The following NARF variants were observed in gnomAD, a reference collection of about 807,000 sequenced individuals.
The protein encoded by NARF is iron-only hydrogenase-like protein 2.
A neutral mutation model predicts 48.0 loss-of-function variants in NARF; 41 were observed. That is an observed-to-expected ratio of 0.85 (90% CI 0.66 to 1.11). The LOEUF is 1.11. Ranked by LOEUF, NARF falls within the 50% of genes least tolerant of loss-of-function variation. NARF has a pLI of 0.00. For synonymous variants in NARF, 215 were observed against 225.5 expected, an observed-to-expected ratio of 0.95 and a Z score of 0.42; for missense variants, 613 against 590.2, an observed-to-expected ratio of 1.04 and a Z score of -0.40.
intron 10 of NARF, 71 bp from the exon 11 acceptor site, chr17:82,487,845 T>C: frequency 1.9e-6 from 3 of 1,562,148 alleles, no homozygotes; most frequent in Non-Finnish European, 2.6e-6. Flanking sequence ...TCTGTAGTTC[T>C]AGCTGCTCAG....
At chr17:82,480,259 G>T (rs2043929074) in intron 6 of NARF, 1 of 393,890 alleles carries the variant, frequency 2.5e-6, no homozygotes, top group Admixed American at 4.5e-5. Context: ...GAAGATTCAG[G>T]AAAGTCTGTG....
intron 2 of NARF, chr17:82,461,022 C>G (rs2043423986): frequency 6.6e-6 from 1 of 152,146 alleles, no homozygotes; most frequent in African/African-American, 2.4e-5. Flanking sequence ...TCAAGTGATT[C>G]TCCTGCCTCA....
chr17:82,461,565 C>G (rs1006437277), intron 2 of NARF, among the ~76,000 whole-genome samples: 1 of 152,162 alleles, frequency 6.6e-6, no homozygotes, highest in African/African-American at 2.4e-5. Flanking sequence ...GAGCCGAGAT[C>G]ACGCCACTGC....
chr17:82,468,885 T>C lies in NARF; in HGVS notation c.374T>C (p.Leu125Pro). 1 of 1,613,550 alleles carries C rather than the reference T, an allele frequency of 6.2e-7. No homozygotes were observed. Among genetic ancestry groups the C allele is most frequent in the South Asian group, 1.1e-5 (1 of 90,814 alleles). Residue 125 changes from leucine (L) to proline (P), a missense_variant, in exon 4 of 11, where the codon CTC becomes CCC. Transcript: ENST00000309794. ...GCATCCAGAAGACTCTGTGGTTTCCTCAAAAGTCTTGGTGAGTCATCTTTT... is the reference window on the plus strand; with the variant it reads ...GCATCCAGAAGACTCTGTGGTTTCCCCAAAAGTCTTGGTGAGTCATCTTTT... ...TDASRRLCGF[L>P]KSLGVHYVFD...
rs2043509355 is a variant in NARF, at chr17:82,464,322, A to G, written c.144A>G (p.Ile48Met). 1 of 1,613,686 alleles carries G rather than the reference A, an allele frequency of 6.2e-7. No homozygotes were observed. Among genetic ancestry groups the G allele is most frequent in the Admixed American group, 1.7e-5 (1 of 59,880 alleles). ...GEFHKLADAK[I>M]FLSDCLACDS... ...TCCACAAGTTGGCTGATGCCAAGAT[A>G]TTTTTGAGCGACTGCCTGGCATGTG... Residue 48 changes from isoleucine (I) to methionine (M), a missense_variant, in exon 3 of 11, where the codon ATA becomes ATG. Transcript: ENST00000309794.
At chr17:82,482,224 A>G (rs73999950) in intron 7 of NARF, 4,412 of 429,286 alleles carry the variant, frequency 0.01, 186 homozygotes, top group African/African-American at 0.082. Context: ...TAAGGGCGCC[A>G]ATGTCCCTCA....
intron 5 of NARF, among the ~76,000 whole-genome samples, chr17:82,475,102 G>A (rs1567938524): frequency 6.6e-6 from 1 of 152,136 alleles, no homozygotes; most frequent in Non-Finnish European, 1.5e-5. Flanking sequence ...GGGAGTACCT[G>A]GTGTTTGTGT....
chr17:82,461,552 G>A (rs1196844566), intron 2 of NARF, among the ~76,000 whole-genome samples: 2 of 152,124 alleles, frequency 1.3e-5, no homozygotes, highest in Admixed American at 6.5e-5. Flanking sequence ...CGGAGGTTGA[G>A]GTGAGCCGAG....
intron 1 of NARF, chr17:82,459,094 G>C: frequency 8.4e-7 from 1 of 1,191,390 alleles, no homozygotes; most frequent in Non-Finnish European, 1.0e-6. Context: ...CACGGAGACC[G>C]AGCCTCTCGT....
At chr17:82,473,113 GTAT>G (rs767017230) in intron 5 of NARF, among the ~76,000 whole-genome samples, 1 of 151,394 alleles carries the variant, frequency 6.6e-6, no homozygotes, top group Non-Finnish European at 1.5e-5. Context: ...ACTAATTATT[GTAT>G]TATTAGTGGA....
At chr17:82,482,451 C>CGCGGTGGGCTGTTGACAAAATAAAA (rs1567944613) in intron 7 of NARF, 1 of 69,228 alleles carries the variant, frequency 1.4e-5, no homozygotes, top group African/African-American at 8.7e-5. Context: ...TCAGAAGAAC[C>CGCGGTGGGCTGTTGACAAAATAAAA]ATGTCCAGCC....
intron 7 of NARF, chr17:82,481,776 G>A (rs2043970761): frequency 2.3e-6 from 1 of 432,380 alleles, no homozygotes; most frequent in Admixed American, 2.8e-5. Flanking sequence ...GAACCACTTG[G>A]GCAGTGTGGT....
intron 3 of NARF, 98 bp from the exon 4 acceptor site, chr17:82,468,666 C>T (rs2043626570): frequency 3.5e-6 from 4 of 1,136,408 alleles, no homozygotes; most frequent in Middle Eastern, 4.0e-4. Context: ...TTTGCATAGA[C>T]CATCTATTAA....
chr17:82,478,366 G>A (rs1035360135), intron 5 of NARF, among the ~76,000 whole-genome samples: 3 of 152,184 alleles, frequency 2.0e-5, no homozygotes, highest in Non-Finnish European at 2.9e-5. Context: ...TTAGTTTCTC[G>A]CCGGTGAGAG....
chr17:82,463,769 A>T (rs2043492896), intron 2 of NARF: 1 of 154,920 alleles, frequency 6.5e-6, no homozygotes, highest in Admixed American at 6.3e-5. Flanking sequence ...CCAGGTCAGG[A>T]TAAGCATCTT....
At chr17:82,481,872 C>A in intron 7 of NARF, 1 of 343,260 alleles carries the variant, frequency 2.9e-6, no homozygotes, top group Non-Finnish European at 5.7e-6. Flanking sequence ...CTCCTAATCA[C>A]AAACCAAGTC....
At chr17:82,480,317 T>C in intron 6 of NARF, 1 of 397,778 alleles carries the variant, frequency 2.5e-6, no homozygotes, top group Non-Finnish European at 4.4e-6. Context: ...ACACACTCAC[T>C]CAGGCCTCCT....
rs1270081646 is a variant in NARF at position 82,488,377 on chromosome 17, T to TTTC, written c.*223_*225dup. ...ATAGGTGTGGGATTGGAACTTTTTTTTTCTTTTTTTTTTTTTGAGACGGAG... is the reference window on the plus strand; with the variant it reads ...ATAGGTGTGGGATTGGAACTTTTTTTTTCTTCTTTTTTTTTTTTTGAGACGGAG... On this transcript the variant is annotated 3_prime_UTR_variant, in exon 11 of 11. Transcript: ENST00000309794. 1.4e-5 allele frequency: 9 copies of TTTC among 653,948 alleles called. No homozygotes were observed. Among genetic ancestry groups the TTTC allele is most frequent in the African/African-American group, 3.7e-5 (2 of 54,510 alleles). The allele number at this position is 653,948 out of a possible 1,614,324, so 40.5% of individuals were successfully genotyped here.
chr17:82,482,326 G>C lies in NARF; in HGVS notation c.769+1115G>C, dbSNP rs571473918. 7 of 316,450 alleles carry C rather than the reference G, an allele frequency of 2.2e-5. No individual in the cohort carries two copies. In the African/African-American group the frequency reaches 2.7e-4, roughly 12 times the overall value. 19.6% of individuals were successfully genotyped at this position (316,450 alleles called of 1,614,324 possible). On this transcript the variant is annotated intron_variant, in intron 7 of 10. Coordinates refer to ENST00000309794, the MANE Select transcript of NARF (RefSeq NM_012336.4). ...GCTCCCTGTGGGGTGATGTGGCAGG[G>C]GTGTTGAAGGATGAGGGATAGAAGG...
Sources: allele counts gnomAD v4.1 joint callset (sites outside exome capture counted in the v4.1 genomes callset), GRCh38; gene constraint gnomAD v4.1.1; transcripts MANE v1.5; gene names NCBI Gene and HGNC (gene_info 2026-07-23, HGNC 2026-07-21).